Variants in NEXN observed in about 807,000 individuals in gnomAD.
NEXN encodes nexilin F-actin binding protein, also known as nexilin.
NEXN carries 65 observed loss-of-function variants against 92.6 expected under a neutral mutation model. The ratio of observed to expected loss-of-function variants is 0.70; its 90% CI spans 0.57 to 0.86. The LOEUF is 0.86. Ranked by LOEUF, NEXN falls within the 40% of genes least tolerant of loss-of-function variation. NEXN has a pLI of 0.00. For missense variants in NEXN, 778 were observed against 771.1 expected (o/e 1.01, Z -0.11); for synonymous variants, 254 against 242.5 (o/e 1.05, Z -0.44).
chr1:77,897,534 C>A (rs1308552490), intron 1 of NEXN, among the ~76,000 whole-genome samples: 2 of 152,102 alleles, frequency 1.3e-5, no homozygotes, highest in Non-Finnish European at 2.9e-5. Context: ...CTATCTATGA[C>A]AAACCCACAG....
chr1:77,942,037 T>A lies in NEXN; in HGVS notation c.1488T>A (p.Asp496Glu). 1.2e-6 allele frequency: 2 copies of A among 1,613,022 alleles called. No individual in the cohort carries two copies. The highest frequency in any genetic ancestry group is 1.1e-5 in the South Asian group (1 of 90,912). ...AENFHEEDDV[D>E]VRPARKSEAP... Reference sequence around the variant, plus strand: ...CTTTCTTGCAGGAAGATGATGTTGATGTTAGGCCTGCAAGAAAAAGCGAGG... The same window carrying A: ...CTTTCTTGCAGGAAGATGATGTTGAAGTTAGGCCTGCAAGAAAAAGCGAGG... Residue 496 changes from aspartate (D) to glutamate (E), a missense_variant, in exon 12 of 13, where the codon GAT becomes GAA. Asp to Glu is a conservative substitution (Grantham distance 45, BLOSUM62 2). This residue lies in a region of NEXN where 532 missense variants were observed against 476.7 expected (regional missense o/e 1.12). Coordinates refer to ENST00000334785, the MANE Select transcript of NEXN (RefSeq NM_144573.4).
At chr1:77,939,285 A>G (rs2102167922) in intron 11 of NEXN, among the ~76,000 whole-genome samples, 1 of 152,318 alleles carries the variant, frequency 6.6e-6, no homozygotes, top group African/African-American at 2.4e-5. Context: ...AGTTTGAGTG[A>G]TATTTGGATA....
chr1:77,897,502 A>T (rs1647327149), intron 1 of NEXN, among the ~76,000 whole-genome samples: 1 of 152,190 alleles, frequency 6.6e-6, no homozygotes, highest in African/African-American at 2.4e-5. Context: ...TATTGATGGG[A>T]TGTATCTCAA....
At chr1:77,897,675 G>A (rs1647343707) in intron 1 of NEXN, among the ~76,000 whole-genome samples, 1 of 152,150 alleles carries the variant, frequency 6.6e-6, no homozygotes, top group South Asian at 2.1e-4. Flanking sequence ...TTAGGCAGGA[G>A]AAGGAAATAA....
At chr1:77,895,951 A>G (rs935504395) in intron 1 of NEXN, among the ~76,000 whole-genome samples, 2 of 151,786 alleles carry the variant, frequency 1.3e-5, no homozygotes, top group Admixed American at 1.3e-4. Context: ...TTAGGTGAGC[A>G]GATCACTTGA....
intron 1 of NEXN, among the ~76,000 whole-genome samples, chr1:77,910,554 C>A (rs576828354): frequency 1.2e-4 from 19 of 152,074 alleles, no homozygotes; most frequent in African/African-American, 4.3e-4. Flanking sequence ...ACTTCGAGAT[C>A]AGCCTGGCCA....
intron 10 of NEXN, among the ~76,000 whole-genome samples, chr1:77,935,000 A>T (rs1650632053): frequency 6.6e-6 from 1 of 152,248 alleles, no homozygotes; most frequent in African/African-American, 2.4e-5. Context: ...GTGGGTAAGT[A>T]ACTGGGCAAA....
At position 77,943,605 on chromosome 1, in the gene NEXN, G is replaced by C. The variant is rs891478874; in HGVS notation, c.*776G>C. ...ATGTAATATATATTAAATTTATAAA[G>C]CAAATTTATGTTGTGATCTTGCCTG... On this transcript the variant is annotated 3_prime_UTR_variant, in exon 13 of 13. Coordinates refer to ENST00000334785, the MANE Select transcript of NEXN (RefSeq NM_144573.4). 6 of 151,890 alleles carry C rather than the reference G, an allele frequency of 4.0e-5. No homozygotes were observed. The highest frequency in any genetic ancestry group is 1.5e-4 in the African/African-American group (6 of 41,378). 9.4% of individuals were successfully genotyped at this position (151,890 alleles called of 1,614,324 possible). A position where few individuals can be genotyped will look rare whatever the true frequency, so the allele number is the denominator to read the frequency against.
At chr1:77,896,451 A>G (rs540317943) in intron 1 of NEXN, among the ~76,000 whole-genome samples, 22 of 152,090 alleles carry the variant, frequency 1.4e-4, no homozygotes, top group Non-Finnish European at 2.2e-4. Context: ...ACCTCTTGCA[A>G]TTGTGCCCCA....
At chr1:77,902,273 TTA>T (rs1261748729) in intron 1 of NEXN, among the ~76,000 whole-genome samples, 1 of 152,174 alleles carries the variant, frequency 6.6e-6, no homozygotes, top group Non-Finnish European at 1.5e-5. Context: ...TTTATTTGGT[TTA>T]GAGGTTTCAG....
chr1:77,910,417 T>A (rs1648466456), intron 1 of NEXN, among the ~76,000 whole-genome samples: 1 of 151,992 alleles, frequency 6.6e-6, no homozygotes, highest in Non-Finnish European at 1.5e-5. Flanking sequence ...CATCTATGTA[T>A]GTAGAAAATC....
chr1:77,907,207 CCAAA>C (rs1383084037), intron 1 of NEXN, among the ~76,000 whole-genome samples: 1 of 152,100 alleles, frequency 6.6e-6, no homozygotes, highest in Non-Finnish European at 1.5e-5. Context: ...AGTTAATAGG[CCAAA>C]CAGAGTCAAA....
chr1:77,891,849 G>A (rs942040897), intron 1 of NEXN, among the ~76,000 whole-genome samples: 2 of 151,720 alleles, frequency 1.3e-5, no homozygotes, highest in East Asian at 1.9e-4. Flanking sequence ...AGGCTGAGGC[G>A]AGAGGATCCC....
chr1:77,893,004 C>G (rs1432996108), intron 1 of NEXN, among the ~76,000 whole-genome samples: 2 of 152,036 alleles, frequency 1.3e-5, no homozygotes, highest in Admixed American at 1.3e-4. Flanking sequence ...GTAGCTAGGA[C>G]TACAGACATG....
At chr1:77,937,440 A>G (rs1211820076) in intron 11 of NEXN, among the ~76,000 whole-genome samples, 1 of 152,074 alleles carries the variant, frequency 6.6e-6, no homozygotes, top group African/African-American at 2.4e-5. Context: ...TGTAATCCCA[A>G]GCACTTTGGG....
At position 77,933,286 on chromosome 1, in the gene NEXN, TAGATGA is replaced by T. The variant is rs1262387686; in HGVS notation, c.1059_1064del (p.Asp355_Asp356del). The stretch of plus-strand genomic sequence containing the variant: ...TAAAATAATTATTTTAAATAGGTAG[TAGATGA>T]TGACTCCCCAGAGATGTATAAGACA... On this transcript the variant is annotated inframe_deletion, in exon 10 of 13. Coordinates refer to ENST00000334785, the MANE Select transcript of NEXN (RefSeq NM_144573.4). The T allele has an allele frequency of 6.4e-7, 1 of 1,565,892 alleles. No homozygotes were observed.
intron 1 of NEXN, among the ~76,000 whole-genome samples, chr1:77,902,228 A>G (rs1403891291): frequency 6.6e-6 from 1 of 152,200 alleles, no homozygotes; most frequent in African/African-American, 2.4e-5. Flanking sequence ...AGTTTATGGT[A>G]CACAATAGGT....
chr1:77,941,100 T>C (rs149374746), intron 11 of NEXN, among the ~76,000 whole-genome samples: 111 of 152,332 alleles, frequency 7.3e-4, no homozygotes, highest in African/African-American at 2.5e-3. Context: ...ATTTTTCTTA[T>C]ATAGGCAATT....
intron 6 of NEXN, 64 bp downstream of exon 6, chr1:77,925,293 T>C (rs769803516): frequency 1.1e-4 from 129 of 1,149,112 alleles, no homozygotes; most frequent in Non-Finnish European, 1.7e-4. Context: ...AATTATCTTT[T>C]AGTATAAGAA....
Sources: gnomAD v4.1 joint callset for allele counts (sites outside exome capture counted in the v4.1 genomes callset) on GRCh38, gnomAD v4.1.1 for gene constraint, gnomAD v4.1.1 regional missense constraint, MANE v1.5 for transcripts, NCBI Gene and HGNC (gene_info 2026-07-23, HGNC 2026-07-21) for gene names.